AMMECR1L: variants seen among roughly 807,000 people sequenced by gnomAD.
The protein encoded by AMMECR1L is AMMECR1 like, also known as AMMECR1-like protein.
In AMMECR1L, 4 loss-of-function variants were observed where a neutral mutation model predicts 36.8. That is an observed-to-expected ratio of 0.11 (90% CI 0.05 to 0.25). The LOEUF is 0.25. AMMECR1L is among the 10% of genes least tolerant of loss of function. The pLI, the probability that AMMECR1L is intolerant of heterozygous loss-of-function variation, is 1.00. For missense variants in AMMECR1L, 232 were observed against 392.1 expected (o/e 0.59, Z 3.45); for synonymous variants, 147 against 148.0 (o/e 0.99, Z 0.05).
intron 6 of AMMECR1L, 29 bp from the exon 7 acceptor site, chr2:127,867,025 C>T: frequency 6.2e-7 from 1 of 1,613,062 alleles, no homozygotes; most frequent in Non-Finnish European, 8.5e-7. Flanking sequence ...ACACTGAGGT[C>T]AATGCACATG....
In AMMECR1L at chr2:127,869,631, G is replaced by A; in HGVS notation, c.634-87C>T. The A allele has an allele frequency of 8.8e-7, 1 of 1,141,416 alleles. No individual in the cohort carries two copies. Among genetic ancestry groups the A allele is most frequent in the South Asian group, 1.3e-5 (1 of 79,784 alleles). The allele number at this position is 1,141,416 out of a possible 1,614,324, so 70.7% of individuals were successfully genotyped here. A position where few individuals can be genotyped will look rare whatever the true frequency, so the allele number is the denominator to read the frequency against. ...CACATATAAATCAACATTGTTCCCT[G>A]ACCAGCTTAACACAGGCCTGGAAAA... On this transcript the variant is annotated intron_variant, in intron 5 of 7. Transcript: ENST00000272647. The surrounding 1 kb of genome is among the most constrained non-coding windows in gnomAD (Gnocchi z 4.7).
Position 127,865,306 on chromosome 2 carries a change from G to T in AMMECR1L, c.822-101C>A. 1 of 639,910 alleles carries T rather than the reference G, an allele frequency of 1.6e-6. No homozygotes were observed. 39.6% of individuals were successfully genotyped at this position (639,910 alleles called of 1,614,324 possible). A position where few individuals can be genotyped will look rare whatever the true frequency, so the allele number is the denominator to read the frequency against. ...CAAAAGCTTATTCCACATTTTGAAA[G>T]AATAAAATGGAAGACCAAGAGCAAT... On this transcript the variant is annotated intron_variant, in intron 7 of 7. Transcript: ENST00000272647. The surrounding 1 kb of genome is among the most constrained non-coding windows in gnomAD (Gnocchi z 5.4).
Position 127,871,205 on chromosome 2 carries a change from T to G in AMMECR1L, c.518+44A>C, listed in dbSNP as rs767688478. The G allele has an allele frequency of 1.9e-6, 3 of 1,591,460 alleles. No homozygotes were observed. In the South Asian group the frequency reaches 3.3e-5, roughly 18 times the overall value. Reference sequence around the variant, plus strand: ...AATAAAGTCAGGCAGCTATTTCTGATTCTAGCCAATTTATCTACAGTTCTT... The same window carrying G: ...AATAAAGTCAGGCAGCTATTTCTGAGTCTAGCCAATTTATCTACAGTTCTT... On this transcript the variant is annotated intron_variant, in intron 4 of 7. Coordinates refer to ENST00000272647, the MANE Select transcript of AMMECR1L (RefSeq NM_001199140.2). This position sits in a 1 kb window ranked among gnomAD's most constrained non-coding sequence, Gnocchi z 4.3.
intron 2 of AMMECR1L, among the ~76,000 whole-genome samples, chr2:127,881,387 C>G (rs1236008431): frequency 1.3e-5 from 2 of 150,606 alleles, no homozygotes; most frequent in Non-Finnish European, 3.0e-5. Context: ...AAAGGACCTT[C>G]CTCTCTCACT....
intron 6 of AMMECR1L, among the ~76,000 whole-genome samples, chr2:127,868,779 T>C (rs957128563): frequency 7.2e-5 from 11 of 151,780 alleles, no homozygotes; most frequent in Admixed American, 2.6e-4. Flanking sequence ...GGCTGGAGTG[T>C]AATGGCACGA....
rs1039779411 is a variant in AMMECR1L, at chr2:127,873,495, C to T, written c.407+333G>A. ...TGGACTTCAACACTATGGGTGTCCC[C>T]AATGGTATGGCGTGACTTCCCCACT... On this transcript the variant is annotated intron_variant, in intron 3 of 7. Transcript: ENST00000272647. This position sits in a 1 kb window ranked among gnomAD's most constrained non-coding sequence, Gnocchi z 5.2. 1.0e-6 allele frequency: 1 copy of T among 985,320 alleles called. No homozygotes were observed. The highest frequency in any genetic ancestry group is 1.7e-5 in the African/African-American group (1 of 57,238). 61.0% of individuals were successfully genotyped at this position (985,320 alleles called of 1,614,324 possible).
intron 2 of AMMECR1L, among the ~76,000 whole-genome samples, chr2:127,883,282 G>A (rs143143362): frequency 2.0e-5 from 3 of 151,970 alleles, no homozygotes; most frequent in Non-Finnish European, 4.4e-5. Context: ...ATTTTCAGTA[G>A]AGACGGGGTT....
chr2:127,867,359 G>A (rs1004310034), intron 6 of AMMECR1L: 6 of 951,572 alleles, frequency 6.3e-6, no homozygotes, highest in Non-Finnish European at 7.5e-6. Context: ...GGGAAGAGAG[G>A]AATTTAAATT....
chr2:127,875,608 A>C (rs971571694), intron 2 of AMMECR1L, among the ~76,000 whole-genome samples: 1 of 152,206 alleles, frequency 6.6e-6, no homozygotes, highest in Admixed American at 6.5e-5. Context: ...TGAATGATAT[A>C]AACATTTTAC....
At chr2:127,867,265 C>A (rs1294689649) in intron 6 of AMMECR1L, 3 of 985,312 alleles carry the variant, frequency 3.0e-6, no homozygotes, top group South Asian at 9.4e-5. Flanking sequence ...TCAGATGTTA[C>A]CCCAGTATAA....
Position 127,863,823 on chromosome 2 carries a change from G to T in AMMECR1L, c.*1271C>A, listed in dbSNP as rs1225693463. ...ACCAAATGAGTGAAGAATAGGCAAG[G>T]AGAGAGGAAAAAATTGCTGACAGCG... On this transcript the variant is annotated 3_prime_UTR_variant, in exon 8 of 8. Transcript: ENST00000272647. 3 of 152,672 alleles carry T rather than the reference G, an allele frequency of 2.0e-5. No homozygotes were observed. Among genetic ancestry groups the T allele is most frequent in the African/African-American group, 7.2e-5 (3 of 41,464 alleles). 9.5% of individuals were successfully genotyped at this position (152,672 alleles called of 1,614,324 possible). A position where few individuals can be genotyped will look rare whatever the true frequency, so the allele number is the denominator to read the frequency against.
At chr2:127,875,140 G>A (rs935840435) in intron 2 of AMMECR1L, among the ~76,000 whole-genome samples, 2 of 149,762 alleles carry the variant, frequency 1.3e-5, no homozygotes, top group Admixed American at 6.7e-5. Context: ...CTGATGATGC[G>A]AAGGGAAGGA....
chr2:127,872,874 C>T, intron 3 of AMMECR1L: 1 of 530,068 alleles, frequency 1.9e-6, no homozygotes. Flanking sequence ...CATGTTACCC[C>T]AGGGTGACGG....
At position 127,871,386 on chromosome 2, in the gene AMMECR1L, C is replaced by T; in HGVS notation, c.408-27G>A. The T allele has an allele frequency of 6.2e-7, 1 of 1,603,344 alleles. No individual in the cohort carries two copies. Among genetic ancestry groups the T allele is most frequent in the South Asian group, 1.1e-5 (1 of 90,542 alleles). On this transcript the variant is annotated intron_variant, in intron 3 of 7. Coordinates refer to ENST00000272647, the MANE Select transcript of AMMECR1L (RefSeq NM_001199140.2). This position sits in a 1 kb window ranked among gnomAD's most constrained non-coding sequence, Gnocchi z 4.3. Reference sequence around the variant, plus strand: ...TAAAAAAAGCAAAACACAAAACATTCTCCAGCCCCAAATTAATCATGGATA... The same window carrying T: ...TAAAAAAAGCAAAACACAAAACATTTTCCAGCCCCAAATTAATCATGGATA...
At chr2:127,877,475 AC>A (rs1467796021) in intron 2 of AMMECR1L, among the ~76,000 whole-genome samples, 1 of 151,808 alleles carries the variant, frequency 6.6e-6, no homozygotes, top group Non-Finnish European at 1.5e-5. Flanking sequence ...GGCTGGGACT[AC>A]CAGCACGTGC....
At position 127,871,008 on chromosome 2, in the gene AMMECR1L, AT is replaced by A. The variant is rs1457950542; in HGVS notation, c.519-81del. ...CAGGTGCCATAGAGCCCACATATTTATGAATCTTGAGCTATGCAGAGAGTAT... is the reference window on the plus strand; with the variant it reads ...CAGGTGCCATAGAGCCCACATATTTAGAATCTTGAGCTATGCAGAGAGTAT... On this transcript the variant is annotated intron_variant, in intron 4 of 7. Coordinates refer to ENST00000272647, the MANE Select transcript of AMMECR1L (RefSeq NM_001199140.2). This position sits in a 1 kb window ranked among gnomAD's most constrained non-coding sequence, Gnocchi z 4.3. The A allele has an allele frequency of 6.0e-5, 67 of 1,121,658 alleles. No homozygotes were observed. The highest frequency in any genetic ancestry group is 8.2e-5 in the Non-Finnish European group (64 of 780,138). The allele number at this position is 1,121,658 out of a possible 1,614,324, so 69.5% of individuals were successfully genotyped here.
Position 127,874,345 on chromosome 2 carries a change from A to T in AMMECR1L, c.-38-73T>A. ...GGAGAGGAAAAAACATCAAAGATAGAGAGTCTGCATTGACCAGCTAAGAGC... is the reference window on the plus strand; with the variant it reads ...GGAGAGGAAAAAACATCAAAGATAGTGAGTCTGCATTGACCAGCTAAGAGC... On this transcript the variant is annotated intron_variant, in intron 2 of 7. Transcript: ENST00000272647. The surrounding 1 kb of genome is among the most constrained non-coding windows in gnomAD (Gnocchi z 5.2). 1 of 1,401,766 alleles carries T rather than the reference A, an allele frequency of 7.1e-7. No homozygotes were observed. The highest frequency in any genetic ancestry group is 9.6e-7 in the Non-Finnish European group (1 of 1,042,206). The allele number at this position is 1,401,766 out of a possible 1,614,324, so 86.8% of individuals were successfully genotyped here.
At chr2:127,870,344 G>A (rs1243050581) in intron 5 of AMMECR1L, among the ~76,000 whole-genome samples, 2 of 151,410 alleles carry the variant, frequency 1.3e-5, no homozygotes, top group Non-Finnish European at 2.9e-5. Context: ...GCATGGTGGT[G>A]GGCACCTGTA....
Position 127,862,070 on chromosome 2 carries a change from A to G in AMMECR1L, c.*3024T>C, listed in dbSNP as rs1690491913. 1 of 152,784 alleles carries G rather than the reference A, an allele frequency of 6.5e-6. No homozygotes were observed. The highest frequency in any genetic ancestry group is 6.5e-5 in the Admixed American group (1 of 15,286). 9.5% of individuals were successfully genotyped at this position (152,784 alleles called of 1,614,324 possible). A position where few individuals can be genotyped will look rare whatever the true frequency, so the allele number is the denominator to read the frequency against. ...AAGTTTTAAGAATCTCACAGTGGAAATAATCCAACACCGACAGACTCTAGT... is the reference window on the plus strand; with the variant it reads ...AAGTTTTAAGAATCTCACAGTGGAAGTAATCCAACACCGACAGACTCTAGT... On this transcript the variant is annotated 3_prime_UTR_variant, in exon 8 of 8. Coordinates refer to ENST00000272647, the MANE Select transcript of AMMECR1L (RefSeq NM_001199140.2).
Sources: gnomAD v4.1 joint callset for allele counts (sites outside exome capture counted in the v4.1 genomes callset) on GRCh38, gnomAD v4.1.1 for gene constraint, Gnocchi (gnomAD v3.1) non-coding constraint, MANE v1.5 for transcripts, NCBI Gene and HGNC (gene_info 2026-07-23, HGNC 2026-07-21) for gene names.